The following RIMBP2 variants were observed in gnomAD, a reference collection of about 807,000 sequenced individuals.
The protein encoded by RIMBP2 is RIMS binding protein 2, also known as RIMS-binding protein 2.
Under a neutral mutation model 118.6 loss-of-function variants are expected in RIMBP2, and 48 were observed. The observed-to-expected ratio is 0.40, with a 90% CI of 0.32 to 0.51. The LOEUF is 0.51. Ranked by LOEUF, RIMBP2 falls within the 20% of genes least tolerant of loss-of-function variation. The pLI, the probability that RIMBP2 is intolerant of heterozygous loss-of-function variation, is 0.41. For synonymous variants in RIMBP2, 762 were observed against 742.9 expected (o/e 1.03, Z -0.42); for missense variants, 1,551 against 1,768.3 (o/e 0.88, Z 2.20).
Position 130,681,287 on chromosome 12 carries a change from AT to A in RIMBP2, c.-352+34934del, listed in dbSNP as rs200001323. ...AGTGAGACCCTATCTCTAAAAAAAA[AT>A]AAAAAATAAAAATAAATGCATGTAC... On this transcript the variant is annotated intron_variant, in intron 1 of 22. Transcript: ENST00000690449. Among the ~76,000 whole-genome samples, 12 of 99,020 alleles carry A rather than the reference AT, an allele frequency of 1.2e-4. No individual in the cohort carries two copies. In the East Asian group the frequency reaches 2.3e-3, roughly 19 times the overall value. 65.0% of individuals were successfully genotyped at this position (99,020 alleles called of 152,430 possible).
At chr12:130,574,150 GAAA>G (rs1160099689) in intron 2 of RIMBP2, among the ~76,000 whole-genome samples, 1 of 152,148 alleles carries the variant, frequency 6.6e-6, no homozygotes, top group Non-Finnish European at 1.5e-5. Context: ...ATCTAAATGA[GAAA>G]AAATTATCAA....
At position 130,525,067 on chromosome 12, in the gene RIMBP2, C is replaced by T. The variant is rs12315279; in HGVS notation, c.-216-7150G>A. The stretch of plus-strand genomic sequence containing the variant: ...CCAGATGTGAAAGTTGCACTGATAC[C>T]GACACCACTTTGAGTCACAGGAGGG... On this transcript the variant is annotated intron_variant, in intron 2 of 22. Transcript: ENST00000690449. This position sits in a 1 kb window ranked among gnomAD's most constrained non-coding sequence, Gnocchi z 4.4. Among the ~76,000 whole-genome samples the T allele has an allele frequency of 0.07, 10,589 of 152,176 alleles. 516 individuals are homozygous for T. The highest frequency in any genetic ancestry group is 0.23 in the East Asian group (1,189 of 5,158).
chr12:130,531,070 G>C (rs1301533047), intron 2 of RIMBP2, among the ~76,000 whole-genome samples: 4 of 152,214 alleles, frequency 2.6e-5, no homozygotes, highest in Non-Finnish European at 4.4e-5. Context: ...ATTAGAAAAT[G>C]TGTCCTTAGT....
intron 1 of RIMBP2, among the ~76,000 whole-genome samples, chr12:130,639,859 G>A (rs922180769): frequency 3.3e-5 from 5 of 152,178 alleles, no homozygotes; most frequent in South Asian, 2.1e-4. Context: ...CCCAGGAAAC[G>A]TAGTCAGGCT....
At chr12:130,602,143 T>C (rs971689602) in intron 2 of RIMBP2, among the ~76,000 whole-genome samples, 1 of 151,834 alleles carries the variant, frequency 6.6e-6, no homozygotes, top group Non-Finnish European at 1.5e-5. Context: ...TACTAAAAAA[T>C]ACAAAAAAAG....
intron 21 of RIMBP2, among the ~76,000 whole-genome samples, chr12:130,400,464 C>G (rs1057115269): frequency 1.1e-4 from 16 of 152,174 alleles, no homozygotes; most frequent in African/African-American, 3.9e-4. Context: ...AGTCGAGATC[C>G]ATGAGTCCAT....
chr12:130,440,775 G>A (rs771577230), intron 11 of RIMBP2, among the ~76,000 whole-genome samples: 18 of 152,208 alleles, frequency 1.2e-4, no homozygotes, highest in Non-Finnish European at 2.6e-4. Context: ...TGGACGTGCT[G>A]TCCCCCTCAG....
chr12:130,644,020 A>G (rs2062740861), intron 1 of RIMBP2, among the ~76,000 whole-genome samples: 1 of 152,206 alleles, frequency 6.6e-6, no homozygotes, highest in African/African-American at 2.4e-5. Context: ...GGCACAGCAC[A>G]TGCAAAGGCC....
At chr12:130,571,169 G>C (rs2057610579) in intron 2 of RIMBP2, among the ~76,000 whole-genome samples, 1 of 145,134 alleles carries the variant, frequency 6.9e-6, no homozygotes, top group South Asian at 2.3e-4. Flanking sequence ...TACTGGGTCT[G>C]CATCATAAAG....
At chr12:130,497,628 G>A (rs1044399369) in intron 4 of RIMBP2, among the ~76,000 whole-genome samples, 10 of 152,326 alleles carry the variant, frequency 6.6e-5, no homozygotes, top group Non-Finnish European at 1.5e-4. Flanking sequence ...AATGTCTTGT[G>A]TATCAGGCAG....
intron 2 of RIMBP2, among the ~76,000 whole-genome samples, chr12:130,518,509 T>C (rs1197396977): frequency 6.6e-6 from 1 of 152,188 alleles, no homozygotes; most frequent in Non-Finnish European, 1.5e-5. Context: ...CCACATGACC[T>C]GAGGCAACAG....
intron 1 of RIMBP2, among the ~76,000 whole-genome samples, chr12:130,655,291 CT>C (rs1234132498): frequency 6.6e-6 from 1 of 152,212 alleles, no homozygotes; most frequent in Non-Finnish European, 1.5e-5. Context: ...TTGCTGCTGT[CT>C]GAAATTACCT....
In RIMBP2 at chr12:130,431,268, G is replaced by T. The variant is rs111665922; in HGVS notation, c.2254-2931C>A. Among the ~76,000 whole-genome samples, 1 of 152,126 alleles carries T rather than the reference G, an allele frequency of 6.6e-6. No individual in the cohort carries two copies. Among genetic ancestry groups the T allele is most frequent in the South Asian group, 2.1e-4 (1 of 4,818 alleles). On this transcript the variant is annotated intron_variant, in intron 14 of 22. Coordinates refer to ENST00000690449, the MANE Select transcript of RIMBP2 (RefSeq NM_001393629.1). The surrounding 1 kb of genome is among the most constrained non-coding windows in gnomAD (Gnocchi z 4.0). Reference sequence around the variant, plus strand: ...GGAGGCTTCCACCCACTAGAACATCGGTGTCTTGGAGCAGATGGGATAGCG... The same window carrying T: ...GGAGGCTTCCACCCACTAGAACATCTGTGTCTTGGAGCAGATGGGATAGCG...
intron 4 of RIMBP2, among the ~76,000 whole-genome samples, chr12:130,501,922 T>C (rs539305147): frequency 3.3e-5 from 5 of 152,336 alleles, no homozygotes; most frequent in African/African-American, 1.2e-4. Flanking sequence ...TCCTCATAGC[T>C]GGAGACAGAG....
In RIMBP2 at chr12:130,518,680, G is replaced by A. The variant is rs78108935; in HGVS notation, c.-216-763C>T. ...TACTATCACCATGGCACAGGAACTC[G>A]GAGCTGCCAATAATAAAATCTAATT... On this transcript the variant is annotated intron_variant, in intron 2 of 22. Coordinates refer to ENST00000690449, the MANE Select transcript of RIMBP2 (RefSeq NM_001393629.1). Among the ~76,000 whole-genome samples the A allele has an allele frequency of 9.8e-3, 1,495 of 152,226 alleles. 15 individuals carry two copies. Among genetic ancestry groups the A allele is most frequent in the African/African-American group, 0.034 (1,413 of 41,546 alleles).
intron 2 of RIMBP2, among the ~76,000 whole-genome samples, chr12:130,609,868 C>T (rs907201398): frequency 2.2e-4 from 33 of 152,064 alleles, no homozygotes; most frequent in Admixed American, 2.1e-3. Flanking sequence ...GACGGAAGTC[C>T]CAGCTCCAGA....
intron 2 of RIMBP2, among the ~76,000 whole-genome samples, chr12:130,561,523 T>C (rs2056823110): frequency 6.6e-6 from 1 of 152,084 alleles, no homozygotes; most frequent in Non-Finnish European, 1.5e-5. Flanking sequence ...TGTAAGCCTC[T>C]TTCTCCTTGA....
intron 2 of RIMBP2, among the ~76,000 whole-genome samples, chr12:130,590,125 G>A (rs764817695): frequency 2.6e-5 from 4 of 152,194 alleles, no homozygotes; most frequent in Admixed American, 6.5e-5. Flanking sequence ...ACACCAGGAA[G>A]GCAATCCCCA....
intron 2 of RIMBP2, among the ~76,000 whole-genome samples, chr12:130,558,681 G>A (rs889147421): frequency 6.6e-6 from 1 of 152,210 alleles, no homozygotes; most frequent in Non-Finnish European, 1.5e-5. Context: ...CAGAGGCCAG[G>A]CGGCCCCCTT....
Sources: gnomAD v4.1 joint callset for allele counts (sites outside exome capture counted in the v4.1 genomes callset) on GRCh38, gnomAD v4.1.1 for gene constraint, Gnocchi (gnomAD v3.1) non-coding constraint, MANE v1.5 for transcripts, NCBI Gene and HGNC (gene_info 2026-07-23, HGNC 2026-07-21) for gene names.